PDE1C: variants seen among roughly 807,000 people sequenced by gnomAD.
The protein encoded by PDE1C is phosphodiesterase 1C.
In PDE1C, 62 loss-of-function variants were observed where a neutral mutation model predicts 93.1. That is an observed-to-expected ratio of 0.67 (90% CI 0.54 to 0.82). The LOEUF (loss-of-function observed/expected upper bound fraction) is 0.82. PDE1C is among the 40% of genes least tolerant of loss of function. The probability of loss-of-function intolerance (pLI) is 0.00; values close to 1 mark genes in which losing one functional copy is unlikely to be tolerated. For missense variants in PDE1C, 742 were observed against 884.6 expected, an observed-to-expected ratio of 0.84 and a Z score of 2.04; for synonymous variants, 325 against 310.1, an observed-to-expected ratio of 1.05 and a Z score of -0.50.
the PDE1C span, among the ~76,000 whole-genome samples, chr7:31,700,983 G>A: frequency 6.6e-6 from 1 of 152,196 alleles, no homozygotes; most frequent in African/African-American, 2.4e-5. Flanking sequence ...AGGCACACAA[G>A]GAGATTAATG....
At chr7:31,837,130 A>T (rs761419733) in intron 11 of PDE1C, 50 bp downstream of exon 11, 3 of 1,580,124 alleles carry the variant, frequency 1.9e-6, no homozygotes, top group Non-Finnish European at 2.6e-6. Flanking sequence ...TATAAAATTC[A>T]TAAAATATCC....
the PDE1C span, among the ~76,000 whole-genome samples, chr7:31,678,863 C>T: frequency 7.2e-5 from 11 of 152,110 alleles, no homozygotes; most frequent in East Asian, 1.4e-3. Context: ...GCAGCCTGGT[C>T]GAAGAGGTAA....
chr7:32,235,302 G>T (rs1807995369), intron 1 of PDE1C, among the ~76,000 whole-genome samples: 1 of 151,902 alleles, frequency 6.6e-6, no homozygotes, highest in African/African-American at 2.4e-5. Flanking sequence ...AGAAAGTGGG[G>T]GATGAAGGAA....
Position 31,843,466 on chromosome 7 carries a change from T to A in PDE1C, c.980+4502A>T, listed in dbSNP as rs115530113. Among the ~76,000 whole-genome samples the A allele has an allele frequency of 7.0e-3, 1,057 of 152,034 alleles. 17 individuals are homozygous for A. Among genetic ancestry groups the A allele is most frequent in the African/African-American group, 0.023 (968 of 41,548 alleles). Reference sequence around the variant, plus strand: ...ATCTCCTTTCTCTTTCACAATATCCTTTTTCTTGCAGTTCATTTTAGCTAA... The same window carrying A: ...ATCTCCTTTCTCTTTCACAATATCCATTTTCTTGCAGTTCATTTTAGCTAA... On this transcript the variant is annotated intron_variant, in intron 9 of 17. Coordinates refer to ENST00000396191, the MANE Select transcript of PDE1C (RefSeq NM_001191057.4).
intron 1 of PDE1C, among the ~76,000 whole-genome samples, chr7:32,319,209 C>T (rs969387532): frequency 2.0e-5 from 3 of 152,230 alleles, no homozygotes; most frequent in African/African-American, 7.2e-5. Context: ...CAGAGCGCCA[C>T]GTGCTTGGAG....
At chr7:31,808,224 T>G in intron 16 of PDE1C, 1 of 484,848 alleles carries the variant, frequency 2.1e-6, no homozygotes, top group Non-Finnish European at 4.0e-6. Context: ...GCATCAAATA[T>G]GATGTCTCCA....
the PDE1C span, among the ~76,000 whole-genome samples, chr7:31,701,941 T>C: frequency 1.3e-5 from 2 of 152,370 alleles, 1 homozygote; most frequent in South Asian, 4.1e-4. Context: ...TGTATGGCTC[T>C]GTTTATTGTG....
chr7:31,619,617 G>T, the PDE1C span, among the ~76,000 whole-genome samples: 2 of 152,078 alleles, frequency 1.3e-5, no homozygotes, highest in Non-Finnish European at 2.9e-5. Flanking sequence ...AGTTAAAGAA[G>T]GGGGAGGAGC....
intron 2 of PDE1C, among the ~76,000 whole-genome samples, chr7:32,174,627 T>C (rs1210532670): frequency 6.6e-6 from 1 of 152,138 alleles, no homozygotes; most frequent in Non-Finnish European, 1.5e-5. Flanking sequence ...AGAGATCGGG[T>C]CAGAGGCTGG....
intron 1 of PDE1C, among the ~76,000 whole-genome samples, chr7:32,288,399 T>TA (rs1398348285): frequency 6.6e-6 from 1 of 152,170 alleles, no homozygotes; most frequent in East Asian, 1.9e-4. Context: ...CTCCTTGAAA[T>TA]AGTCACTAAG....
chr7:31,866,041 T>C (rs1190565279), intron 6 of PDE1C, among the ~76,000 whole-genome samples: 2 of 152,180 alleles, frequency 1.3e-5, no homozygotes, highest in African/African-American at 4.8e-5. Flanking sequence ...CTTTTCTATG[T>C]AACAGCGAAG....
At chr7:31,745,100 C>T in the PDE1C span, among the ~76,000 whole-genome samples, 3 of 152,088 alleles carry the variant, frequency 2.0e-5, no homozygotes, top group Non-Finnish European at 4.4e-5. Context: ...AAGATAAAGG[C>T]AAAACTATGC....
intron 3 of PDE1C, among the ~76,000 whole-genome samples, chr7:32,118,412 C>T (rs1209734700): frequency 6.6e-6 from 1 of 152,180 alleles, no homozygotes; most frequent in Non-Finnish European, 1.5e-5. Flanking sequence ...TAGAATTCTT[C>T]CCCTAACCGT....
At chr7:31,736,885 C>T in the PDE1C span, among the ~76,000 whole-genome samples, 151,136 of 152,280 alleles carry the variant, frequency 0.99, 75,006 homozygotes, top group East Asian at 1. Context: ...AGCCACTTAA[C>T]GCAGTTGATG....
chr7:32,004,098 G>C (rs938995825), intron 2 of PDE1C, among the ~76,000 whole-genome samples: 1 of 152,058 alleles, frequency 6.6e-6, no homozygotes, highest in Non-Finnish European at 1.5e-5. Flanking sequence ...AGCCAAGACA[G>C]GTAATGAGGA....
At position 32,082,365 on chromosome 7, in the gene PDE1C, C is replaced by G. The variant is rs558849998; in HGVS notation, c.308+87420G>C. On this transcript the variant is annotated intron_variant, in intron 3 of 18. Coordinates refer to the PDE1C transcript ENST00000396193. The stretch of plus-strand genomic sequence containing the variant: ...AGGTAAACAAAGCAGCCGGGAAGCT[C>G]GAACTGGGTGGAGCCCACCACAGCT... Among the ~76,000 whole-genome samples the G allele has an allele frequency of 4.9e-3, 741 of 152,262 alleles. 2 individuals carry two copies. Among genetic ancestry groups the G allele is most frequent in the African/African-American group, 0.016 (672 of 41,562 alleles).
At chr7:32,000,174 C>T (rs569887491) in intron 2 of PDE1C, among the ~76,000 whole-genome samples, 8 of 152,278 alleles carry the variant, frequency 5.3e-5, no homozygotes, top group African/African-American at 1.7e-4. Flanking sequence ...CTGGGCTTCA[C>T]CGCTCAGGAA....
the PDE1C span, among the ~76,000 whole-genome samples, chr7:31,675,729 G>A: frequency 2.0e-5 from 3 of 151,522 alleles, no homozygotes; most frequent in Non-Finnish European, 2.9e-5. Flanking sequence ...TAATATATTG[G>A]TTAGGGCTAA....
intron 17 of PDE1C, among the ~76,000 whole-genome samples, chr7:31,774,099 T>C (rs1246037475): frequency 6.6e-6 from 1 of 151,864 alleles, no homozygotes; most frequent in East Asian, 1.9e-4. Flanking sequence ...TCATCTAAAA[T>C]GCCACTAATT....
Sources: allele counts gnomAD v4.1 joint callset (sites outside exome capture counted in the v4.1 genomes callset), GRCh38; gene constraint gnomAD v4.1.1; transcripts MANE v1.5; gene names NCBI Gene and HGNC (gene_info 2026-07-23, HGNC 2026-07-21).